PCDH15: variants seen among roughly 807,000 people sequenced by gnomAD.
PCDH15 encodes protocadherin-15.
In PCDH15, 129 loss-of-function variants were observed where a neutral mutation model predicts 178.5. The observed-to-expected ratio is 0.72, with a 90% CI of 0.63 to 0.84. The LOEUF (loss-of-function observed/expected upper bound fraction) is 0.84. PCDH15 is among the 40% of genes least tolerant of loss of function. The pLI is 0.00. For missense variants in PCDH15, 2,230 were observed against 2,099.9 expected, an observed-to-expected ratio of 1.06 and a Z score of -1.21; for synonymous variants, 800 against 732.0, an observed-to-expected ratio of 1.09 and a Z score of -1.50.
At chr10:54,138,749 C>T (rs1006361610) in intron 14 of PCDH15, among the ~76,000 whole-genome samples, 1 of 152,134 alleles carries the variant, frequency 6.6e-6, no homozygotes, top group African/African-American at 2.4e-5. Flanking sequence ...GATTCACAGC[C>T]TTCAATGGAT....
chr10:54,217,362 A>T (rs1002873955), intron 9 of PCDH15, among the ~76,000 whole-genome samples: 1 of 152,182 alleles, frequency 6.6e-6, no homozygotes, highest in Non-Finnish European at 1.5e-5. Flanking sequence ...TAGGTGAAGT[A>T]CCAGAGAAAT....
chr10:55,056,610 T>TTTATTA (rs60186759), intron 2 of PCDH15, among the ~76,000 whole-genome samples: 17,282 of 142,846 alleles, frequency 0.12, 1,212 homozygotes, highest in Non-Finnish European at 0.16. Context: ...TTTATTTTGT[T>TTTATTA]TTATTATTAT....
chr10:55,226,459 G>T (rs1250959580), intron 1 of PCDH15, among the ~76,000 whole-genome samples: 1 of 142,748 alleles, frequency 7.0e-6, no homozygotes, highest in Non-Finnish European at 1.6e-5. Context: ...CTGCAACCCT[G>T]CAACCTCTGT....
At chr10:55,611,474 G>T (rs182418693) in intron 2 of PCDH15, among the ~76,000 whole-genome samples, 1 of 151,994 alleles carries the variant, frequency 6.6e-6, no homozygotes, top group East Asian at 1.9e-4. Context: ...ACTCATTTTA[G>T]AATGGCTATT....
At chr10:54,598,338 A>T (rs1196835536) in intron 2 of PCDH15, among the ~76,000 whole-genome samples, 1 of 152,106 alleles carries the variant, frequency 6.6e-6, no homozygotes, top group Non-Finnish European at 1.5e-5. Flanking sequence ...ACCAATAAAT[A>T]TGATTTATAA....
intron 26 of PCDH15, among the ~76,000 whole-genome samples, chr10:53,875,788 G>A (rs1422526932): frequency 1.3e-5 from 2 of 152,090 alleles, no homozygotes; most frequent in East Asian, 3.9e-4. Context: ...AACATTAAAA[G>A]AAAATCACCA....
chr10:54,520,387 T>C (rs1332182275), intron 3 of PCDH15, among the ~76,000 whole-genome samples: 9 of 151,854 alleles, frequency 5.9e-5, no homozygotes, highest in Non-Finnish European at 1.0e-4. Flanking sequence ...AACAACCCCA[T>C]CAAAAAGTGG....
At chr10:54,219,892 T>A (rs935265285) in intron 9 of PCDH15, among the ~76,000 whole-genome samples, 1 of 152,056 alleles carries the variant, frequency 6.6e-6, no homozygotes, top group Non-Finnish European at 1.5e-5. Flanking sequence ...TAAAATTATA[T>A]ATTTTTTCAA....
chr10:54,227,773 G>C (rs2053613962), intron 9 of PCDH15, among the ~76,000 whole-genome samples: 1 of 152,092 alleles, frequency 6.6e-6, no homozygotes, highest in Non-Finnish European at 1.5e-5. Flanking sequence ...TTGCTACTTA[G>C]AAATTTCTTC....
chr10:55,048,120 A>G (rs1260778999), intron 2 of PCDH15, among the ~76,000 whole-genome samples: 1 of 151,870 alleles, frequency 6.6e-6, no homozygotes, highest in Non-Finnish European at 1.5e-5. Context: ...TATGTTTAAG[A>G]AAAAAGGAGG....
intron 2 of PCDH15, among the ~76,000 whole-genome samples, chr10:55,004,515 T>A (rs1032028404): frequency 3.9e-5 from 6 of 152,142 alleles, no homozygotes; most frequent in Admixed American, 3.9e-4. Flanking sequence ...GATCACAACA[T>A]CTGGAGACAC....
chr10:54,823,055 A>T (rs1361599058), intron 3 of PCDH15, among the ~76,000 whole-genome samples: 1 of 151,578 alleles, frequency 6.6e-6, no homozygotes, highest in East Asian at 1.9e-4. Context: ...CTAATTTTTG[A>T]ATTTTTACTA....
intron 29 of PCDH15, among the ~76,000 whole-genome samples, chr10:53,838,774 A>C (rs1367799475): frequency 6.6e-6 from 1 of 152,186 alleles, no homozygotes; most frequent in Non-Finnish European, 1.5e-5. Flanking sequence ...AACTTACAAA[A>C]AATTGGCTTG....
chr10:55,005,872 A>T (rs888956602), intron 2 of PCDH15, among the ~76,000 whole-genome samples: 3 of 152,100 alleles, frequency 2.0e-5, no homozygotes, highest in Admixed American at 2.0e-4. Context: ...AACAATGGTA[A>T]CTAGAGCAGA....
intron 8 of PCDH15, among the ~76,000 whole-genome samples, chr10:54,303,606 T>C (rs977789080): frequency 1.3e-5 from 2 of 152,102 alleles, no homozygotes; most frequent in African/African-American, 4.8e-5. Context: ...GAGAATGTAA[T>C]TTTTAAGGAC....
intron 8 of PCDH15, among the ~76,000 whole-genome samples, chr10:54,249,445 T>C (rs2056286239): frequency 6.6e-6 from 1 of 152,192 alleles, no homozygotes; most frequent in Non-Finnish European, 1.5e-5. Flanking sequence ...ATTTCTTTGG[T>C]CACTAGCATA....
chr10:54,148,824 G>A (rs952893027), intron 14 of PCDH15, among the ~76,000 whole-genome samples: 3 of 151,356 alleles, frequency 2.0e-5, no homozygotes, highest in South Asian at 4.2e-4. Flanking sequence ...AGACTCTTGT[G>A]CCTCTGCTCC....
intron 2 of PCDH15, among the ~76,000 whole-genome samples, chr10:54,931,753 G>T (rs1292862123): frequency 6.6e-6 from 1 of 152,122 alleles, no homozygotes; most frequent in African/African-American, 2.4e-5. Context: ...ACTGGGATTT[G>T]CAGGGTTTTT....
intron 2 of PCDH15, among the ~76,000 whole-genome samples, chr10:55,360,904 C>T (rs778375123): frequency 1.3e-5 from 2 of 151,926 alleles, no homozygotes; most frequent in Admixed American, 6.6e-5. Context: ...CATAGAATCA[C>T]TTCAAAATAT....
Sources: allele counts gnomAD v4.1 joint callset (sites outside exome capture counted in the v4.1 genomes callset), GRCh38; gene constraint gnomAD v4.1.1; transcripts MANE v1.5; gene names NCBI Gene and HGNC (gene_info 2026-07-23, HGNC 2026-07-21).